Variants in NKAIN3 observed in about 807,000 individuals in gnomAD.
NKAIN3 encodes sodium/potassium transporting ATPase interacting 3.
A neutral mutation model predicts 30.2 loss-of-function variants in NKAIN3; 25 were observed. That is an observed-to-expected ratio of 0.83 (90% CI 0.60 to 1.16). The LOEUF (loss-of-function observed/expected upper bound fraction) is 1.16, where lower values mean the gene tolerates loss of function less well. Ranked by LOEUF, NKAIN3 falls within the 50% of genes most tolerant of loss-of-function variation. The pLI is 0.00. For synonymous variants in NKAIN3, 91 were observed against 89.6 expected (o/e 1.02, Z -0.09); for missense variants, 225 against 254.1 (o/e 0.89, Z 0.78).
chr8:62,876,611 C>T (rs1036833702), intron 4 of NKAIN3, among the ~76,000 whole-genome samples: 3 of 152,118 alleles, frequency 2.0e-5, no homozygotes, highest in Non-Finnish European at 2.9e-5. Flanking sequence ...GGTAAATATA[C>T]ACCATAGAAT....
chr8:62,374,131 A>G (rs1020934974), intron 1 of NKAIN3, among the ~76,000 whole-genome samples: 6 of 150,892 alleles, frequency 4.0e-5, no homozygotes, highest in Middle Eastern at 3.4e-3. Context: ...AAAAAAAAAA[A>G]AAAAAAGAGA....
intron 1 of NKAIN3, among the ~76,000 whole-genome samples, chr8:62,342,435 T>G (rs1026772048): frequency 3.3e-5 from 5 of 152,054 alleles, no homozygotes; most frequent in Admixed American, 2.0e-4. Context: ...ATACAGATTA[T>G]ATGTACAAAG....
intron 1 of NKAIN3, among the ~76,000 whole-genome samples, chr8:62,519,372 G>T (rs375411333): frequency 7.2e-5 from 11 of 152,148 alleles, no homozygotes; most frequent in East Asian, 5.8e-4. Context: ...TCTTAAAATG[G>T]TGCTGTCATT....
intron 4 of NKAIN3, among the ~76,000 whole-genome samples, chr8:62,812,757 A>C (rs1322720835): frequency 1.3e-5 from 2 of 151,816 alleles, no homozygotes; most frequent in South Asian, 2.1e-4. Context: ...ATGAAGACTA[A>C]ATTTATTCAA....
chr8:62,296,451 TA>T (rs1429363237), intron 1 of NKAIN3, among the ~76,000 whole-genome samples: 4 of 152,180 alleles, frequency 2.6e-5, no homozygotes, highest in African/African-American at 9.6e-5. Context: ...TAAACAGTTA[TA>T]AGAAATTCTG....
At position 62,983,548 on chromosome 8, in the gene NKAIN3, G is replaced by A. The variant is rs1049943359; in HGVS notation, c.*18141G>A. On this transcript the variant is annotated 3_prime_UTR_variant, in exon 7 of 7. Coordinates refer to ENST00000623646, the MANE Select transcript of NKAIN3 (RefSeq NM_001304533.3). ...ACATTTTAATTTAGGGAGTTTAGGA[G>A]ATACATCCTAGTGTGGATTTCACAT... 3.9e-5 allele frequency: 6 copies of A among 152,208 alleles called. No individual in the cohort carries two copies. The highest frequency in any genetic ancestry group is 1.3e-4 in the Admixed American group (2 of 15,280). The allele number at this position is 152,208 out of a possible 1,614,324, so 9.4% of individuals were successfully genotyped here.
chr8:62,419,840 C>G (rs901158514), intron 1 of NKAIN3, among the ~76,000 whole-genome samples: 1 of 152,080 alleles, frequency 6.6e-6, no homozygotes, highest in African/African-American at 2.4e-5. Context: ...GCATCAGTTC[C>G]CATAGGTCCA....
intron 1 of NKAIN3, among the ~76,000 whole-genome samples, chr8:62,471,291 C>G (rs1806333241): frequency 6.6e-6 from 1 of 151,310 alleles, no homozygotes; most frequent in South Asian, 2.1e-4. Flanking sequence ...ATATCTGTAA[C>G]AATTTACTTC....
At position 62,970,213 on chromosome 8, in the gene NKAIN3, C is replaced by T. The variant is rs1823803567; in HGVS notation, c.*4806C>T. On this transcript the variant is annotated 3_prime_UTR_variant, in exon 7 of 7. Coordinates refer to ENST00000623646, the MANE Select transcript of NKAIN3 (RefSeq NM_001304533.3). ...CCAGCCTAGGCAATACAGCAAAAGCCTGTCTCTAAAAAGAGAGAGAGATAA... is the reference window on the plus strand; with the variant it reads ...CCAGCCTAGGCAATACAGCAAAAGCTTGTCTCTAAAAAGAGAGAGAGATAA... Among the ~76,000 whole-genome samples the T allele has an allele frequency of 6.6e-6, 1 of 152,010 alleles. No homozygotes were observed. Among genetic ancestry groups the T allele is most frequent in the Non-Finnish European group, 1.5e-5 (1 of 68,004 alleles).
At chr8:62,250,384 C>T (rs980920029) in intron 1 of NKAIN3, among the ~76,000 whole-genome samples, 2 of 152,018 alleles carry the variant, frequency 1.3e-5, no homozygotes, top group Admixed American at 6.6e-5. Context: ...TTGGATAGTG[C>T]CTTCTGTCTT....
At chr8:62,929,806 C>A (rs1752385648) in intron 5 of NKAIN3, among the ~76,000 whole-genome samples, 1 of 152,166 alleles carries the variant, frequency 6.6e-6, no homozygotes, top group African/African-American at 2.4e-5. Flanking sequence ...TGTGGCCCAA[C>A]ACAAATTTGT....
intron 3 of NKAIN3, among the ~76,000 whole-genome samples, chr8:62,653,431 G>C (rs1170949023): frequency 6.6e-6 from 1 of 152,066 alleles, no homozygotes; most frequent in Non-Finnish European, 1.5e-5. Context: ...CATTATGATG[G>C]GCTTCAGTGT....
At chr8:62,408,430 G>T (rs1264939108) in intron 1 of NKAIN3, among the ~76,000 whole-genome samples, 1 of 152,120 alleles carries the variant, frequency 6.6e-6, no homozygotes, top group South Asian at 2.1e-4. Flanking sequence ...GAGTATGACT[G>T]TACCCATCTC....
chr8:62,561,390 G>A (rs1475226957), intron 1 of NKAIN3, among the ~76,000 whole-genome samples: 2 of 152,112 alleles, frequency 1.3e-5, no homozygotes, highest in Non-Finnish European at 2.9e-5. Context: ...AGTCTTCTCT[G>A]TATTTTGTTG....
chr8:62,871,973 G>A (rs1464952428), intron 4 of NKAIN3, among the ~76,000 whole-genome samples: 1 of 152,190 alleles, frequency 6.6e-6, no homozygotes, highest in African/African-American at 2.4e-5. Context: ...TTTGGTTAAT[G>A]ACAAACCACA....
chr8:62,889,804 T>A (rs1373771576), intron 4 of NKAIN3, among the ~76,000 whole-genome samples: 2 of 152,046 alleles, frequency 1.3e-5, no homozygotes, highest in East Asian at 3.9e-4. Flanking sequence ...AGAGGAGAAT[T>A]TGGTGAGCAA....
intron 1 of NKAIN3, among the ~76,000 whole-genome samples, chr8:62,394,974 C>T (rs1267149979): frequency 4.6e-5 from 7 of 150,828 alleles, no homozygotes; most frequent in Middle Eastern, 3.4e-3. Flanking sequence ...CCTCACTTCC[C>T]AGACGGGTCG....
intron 1 of NKAIN3, among the ~76,000 whole-genome samples, chr8:62,500,457 GA>G (rs1429036999): frequency 1.3e-3 from 163 of 121,292 alleles, no homozygotes; most frequent in African/African-American, 5.4e-3. Flanking sequence ...AAGAAAGAAA[GA>G]AAGAAAGAAA....
At chr8:62,797,948 C>T (rs1223571917) in intron 4 of NKAIN3, among the ~76,000 whole-genome samples, 1 of 152,140 alleles carries the variant, frequency 6.6e-6, no homozygotes, top group Non-Finnish European at 1.5e-5. Context: ...CTGCCAGATG[C>T]TAGACATGGA....
Sources: allele counts gnomAD v4.1 joint callset (sites outside exome capture counted in the v4.1 genomes callset), GRCh38; gene constraint gnomAD v4.1.1; transcripts MANE v1.5; gene names NCBI Gene and HGNC (gene_info 2026-07-23, HGNC 2026-07-21).